PDZD2: variants seen among roughly 807,000 people sequenced by gnomAD.
PDZD2 encodes PDZ domain containing 2.
A neutral mutation model predicts 220.7 loss-of-function variants in PDZD2; 90 were observed. That is an observed-to-expected ratio of 0.41 (90% CI 0.34 to 0.49). PDZD2 has a LOEUF of 0.49. Among genes scored for constraint, PDZD2 ranks in the 20% least tolerant of loss-of-function variants. The pLI, the probability that PDZD2 is intolerant of heterozygous loss-of-function variation, is 0.28. For missense variants in PDZD2, 3,174 were observed against 3,608.5 expected, an observed-to-expected ratio of 0.88 and a Z score of 3.08; for synonymous variants, 1,375 against 1,450.5, an observed-to-expected ratio of 0.95 and a Z score of 1.18.
Position 32,058,072 on chromosome 5 carries a change from C to G in PDZD2, c.2169C>G (p.Asp723Glu). ...SLGRKTPGPK[D>E]RIVMEVTLNK... ...GTCGGAAGACCCCTGGGCCCAAGGA[C>G]AGGATCGTCATGGAAGTAACACTCA... is the stretch of plus-strand genomic sequence containing the variant. The change falls in exon 12 of 25, where the codon GAC (aspartate) becomes GAG (glutamate). Residue 723 changes from aspartate to glutamate, a missense_variant. Physicochemically the swap from Asp to Glu is conservative, Grantham distance 45 (BLOSUM62 2). Transcript: ENST00000438447. The G allele has an allele frequency of 1.2e-6, 2 of 1,601,716 alleles. No individual in the cohort carries two copies. Among genetic ancestry groups the G allele is most frequent in the Non-Finnish European group, 8.6e-7 (1 of 1,168,718 alleles).
intron 1 of PDZD2, among the ~76,000 whole-genome samples, chr5:31,765,647 G>A (rs1290182234): frequency 1.3e-5 from 2 of 152,168 alleles, no homozygotes; most frequent in African/African-American, 4.8e-5. Flanking sequence ...AACTAGCAGA[G>A]GCGCATCCCT....
chr5:31,757,874 T>G (rs1580697871), intron 1 of PDZD2, among the ~76,000 whole-genome samples: 1 of 152,236 alleles, frequency 6.6e-6, no homozygotes, highest in African/African-American at 2.4e-5. Context: ...GCACCAGCTG[T>G]GCTGGGCTAT....
intron 2 of PDZD2, among the ~76,000 whole-genome samples, chr5:31,904,276 A>G (rs1246959555): frequency 2.6e-5 from 4 of 152,202 alleles, no homozygotes; most frequent in Non-Finnish European, 5.9e-5. Flanking sequence ...TTAAAAATCA[A>G]GGAAAAGTTT....
At chr5:31,732,944 A>G (rs1749622277) in intron 1 of PDZD2, among the ~76,000 whole-genome samples, 2 of 152,248 alleles carry the variant, frequency 1.3e-5, no homozygotes, top group South Asian at 2.1e-4. Flanking sequence ...GGCCAGACTG[A>G]TCTTGAACTT....
intron 2 of PDZD2, among the ~76,000 whole-genome samples, chr5:31,813,449 CA>C (rs60551914): frequency 4.2e-3 from 391 of 94,154 alleles, no homozygotes; most frequent in East Asian, 0.032. Flanking sequence ...GACTCCGTCT[CA>C]AAAAAAAAAA....
In PDZD2 at chr5:31,717,276, G is replaced by T. The variant is rs529111627; in HGVS notation, c.-361+77839G>T. 3.9e-5 allele frequency among the ~76,000 whole-genome samples: 6 copies of T among 152,280 alleles called. No individual in the cohort carries two copies. The East Asian group carries it at 1.2e-3, about 29-fold the overall frequency. ...CCCTCAGTTAATGTTTGTTCCATAA[G>T]TGCTGAATGAATGCTTCAAACTTGT... On this transcript the variant is annotated intron_variant, in intron 1 of 24. Coordinates refer to ENST00000438447, the MANE Select transcript of PDZD2 (RefSeq NM_178140.4).
chr5:31,878,189 G>A (rs1739487855), intron 2 of PDZD2, among the ~76,000 whole-genome samples: 1 of 152,136 alleles, frequency 6.6e-6, no homozygotes, highest in African/African-American at 2.4e-5. Context: ...GCTTATGGTT[G>A]GTGGTAACTG....
At chr5:31,972,841 T>G (rs1749429428) in intron 2 of PDZD2, among the ~76,000 whole-genome samples, 1 of 152,180 alleles carries the variant, frequency 6.6e-6, no homozygotes, top group Non-Finnish European at 1.5e-5. Flanking sequence ...CTCATCAAGA[T>G]AAGTTGTGTG....
intron 2 of PDZD2, among the ~76,000 whole-genome samples, chr5:31,878,628 C>G (rs1255890985): frequency 8.0e-6 from 1 of 124,516 alleles, no homozygotes; most frequent in Non-Finnish European, 1.6e-5. Flanking sequence ...GGCGCGATCT[C>G]GGCTCACTGC....
intron 5 of PDZD2, among the ~76,000 whole-genome samples, chr5:32,001,929 C>T (rs1337573144): frequency 6.6e-6 from 1 of 152,168 alleles, no homozygotes; most frequent in African/African-American, 2.4e-5. Context: ...ATTCCAATTC[C>T]AGCCGGGAAG....
At chr5:31,982,022 T>C (rs933814464) in intron 2 of PDZD2, among the ~76,000 whole-genome samples, 3 of 152,202 alleles carry the variant, frequency 2.0e-5, no homozygotes, top group Non-Finnish European at 2.9e-5. Flanking sequence ...CCCTCACATA[T>C]ATGAAAAAGC....
intron 2 of PDZD2, among the ~76,000 whole-genome samples, chr5:31,895,371 G>C (rs571514158): frequency 3.3e-5 from 5 of 152,206 alleles, no homozygotes; most frequent in African/African-American, 1.2e-4. Context: ...GCCTGAGAAA[G>C]ACTCCTTATC....
In PDZD2 at chr5:31,959,918, C is replaced by T. The variant is rs573468123; in HGVS notation, c.477-23237C>T. Among the ~76,000 whole-genome samples, 103 of 152,258 alleles carry T rather than the reference C, an allele frequency of 6.8e-4. 1 individual carries two copies. The South Asian group carries it at 9.8e-3, about 14-fold the overall frequency. ...GGTTGGAGGCATTCCTGGCATTTCT[C>T]GGCTGGTAGACACATCCCTCAGTCT... is the stretch of plus-strand genomic sequence containing the variant. On this transcript the variant is annotated intron_variant, in intron 2 of 24. Transcript: ENST00000438447.
intron 2 of PDZD2, among the ~76,000 whole-genome samples, chr5:31,938,916 GC>G (rs1745991086): frequency 6.6e-6 from 1 of 152,174 alleles, no homozygotes; most frequent in Non-Finnish European, 1.5e-5. Flanking sequence ...TCGGTATGGA[GC>G]CATCTTGTGT....
At chr5:31,830,267 G>A (rs535213140) in intron 2 of PDZD2, among the ~76,000 whole-genome samples, 6 of 148,550 alleles carry the variant, frequency 4.0e-5, no homozygotes, top group Admixed American at 1.3e-4. Flanking sequence ...CCGGGTTCAC[G>A]CCATTCTCCT....
intron 2 of PDZD2, among the ~76,000 whole-genome samples, chr5:31,878,555 C>CTTTTTGTTTTTTTT (rs1739532784): frequency 2.1e-5 from 1 of 48,198 alleles, no homozygotes; most frequent in Non-Finnish European, 3.7e-5. Flanking sequence ...ATGACCTCGG[C>CTTTTTGTTTTTTTT]TTTTTTTTTT....
chr5:31,903,069 T>A (rs918441767), intron 2 of PDZD2, among the ~76,000 whole-genome samples: 2 of 151,050 alleles, frequency 1.3e-5, no homozygotes, highest in Non-Finnish European at 2.9e-5. Context: ...CGGAGGTGGG[T>A]GGATCACCTG....
At chr5:31,828,466 T>C (rs1290206676) in intron 2 of PDZD2, among the ~76,000 whole-genome samples, 1 of 152,188 alleles carries the variant, frequency 6.6e-6, no homozygotes, top group African/African-American at 2.4e-5. Context: ...TTTTGAACCT[T>C]TGTATATCTT....
chr5:32,076,840 A>G (rs1027271273), intron 18 of PDZD2, among the ~76,000 whole-genome samples: 1 of 152,242 alleles, frequency 6.6e-6, no homozygotes, highest in Non-Finnish European at 1.5e-5. Flanking sequence ...TTTTATGAAA[A>G]GATTTCTTAC....
Sources: allele counts gnomAD v4.1 joint callset (sites outside exome capture counted in the v4.1 genomes callset), GRCh38; gene constraint gnomAD v4.1.1; transcripts MANE v1.5; gene names NCBI Gene and HGNC (gene_info 2026-07-23, HGNC 2026-07-21).